FNBP1: variants seen among roughly 807,000 people sequenced by gnomAD.
FNBP1 encodes formin-binding protein 1.
FNBP1 carries 26 observed loss-of-function variants against 90.6 expected under a neutral mutation model. The ratio of observed to expected loss-of-function variants is 0.29; its 90% CI spans 0.21 to 0.40. FNBP1 has a LOEUF of 0.40. FNBP1 is among the 10% of genes least tolerant of loss of function. FNBP1 has a pLI of 1.00. For synonymous variants in FNBP1, 260 were observed against 265.2 expected (o/e 0.98, Z 0.19); for missense variants, 635 against 768.0 (o/e 0.83, Z 2.05).
rs56397008 is a variant in FNBP1, at chr9:129,893,637, A to AAAAAAAAAAAG, written c.1846+2200_1846+2201insCTTTTTTTTTT. 8.8e-4 allele frequency among the ~76,000 whole-genome samples: 55 copies of AAAAAAAAAAAG among 62,230 alleles called. 12 individuals are homozygous for AAAAAAAAAAAG. Among genetic ancestry groups the AAAAAAAAAAAG allele is most frequent in the African/African-American group, 2.0e-3 (22 of 11,020 alleles). The allele number at this position is 62,230 out of a possible 152,430, so 40.8% of individuals were successfully genotyped here. ...CAAAAAAAAAAAAAAAAAAAAAAAAAGCCAGGCACGGGCTCATGCCTGTAA... is the reference window on the plus strand; with the variant it reads ...CAAAAAAAAAAAAAAAAAAAAAAAAAAAAAAAAAAAGGCCAGGCACGGGCTCATGCCTGTAA... On this transcript the variant is annotated intron_variant, in intron 16 of 16. Coordinates refer to ENST00000446176, the MANE Select transcript of FNBP1 (RefSeq NM_015033.3).
chr9:130,040,927 A>C (rs1923662), intron 1 of FNBP1, among the ~76,000 whole-genome samples: 135,225 of 151,760 alleles, frequency 0.89, 61,041 homozygotes, highest in East Asian at 0.97. Context: ...TGAAGCAAAT[A>C]TAAGATTTCA....
In FNBP1 at chr9:129,992,254, T is replaced by C. The variant is rs75085509; in HGVS notation, c.140+2589A>G. ...AGCTCGCACGTAGCCCATTTTCACA[T>C]GAAAGACAACATTGCATGACTAATA... On this transcript the variant is annotated intron_variant, in intron 2 of 16. Transcript: ENST00000446176. Among the ~76,000 whole-genome samples, 57 of 152,264 alleles carry C rather than the reference T, an allele frequency of 3.7e-4. No individual in the cohort carries two copies. In the East Asian group the frequency reaches 5.0e-3, roughly 13 times the overall value.
rs2036826626 is a variant in FNBP1 at position 129,900,999 on chromosome 9, A to AT, written c.1429-453dup. 6.6e-6 allele frequency among the ~76,000 whole-genome samples: 1 copy of AT among 152,106 alleles called. No homozygotes were observed. The highest frequency in any genetic ancestry group is 2.4e-5 in the African/African-American group (1 of 41,406). On this transcript the variant is annotated intron_variant, in intron 13 of 16. Transcript: ENST00000446176. This position sits in a 1 kb window ranked among gnomAD's most constrained non-coding sequence, Gnocchi z 4.1. ...ACTCAGTTTGAAAGCCACACTTCCT[A>AT]TTTTTTAGGAGTGTAACTTTTTTTT...
At chr9:129,990,765 G>C (rs2053007338) in intron 2 of FNBP1, among the ~76,000 whole-genome samples, 1 of 152,074 alleles carries the variant, frequency 6.6e-6, no homozygotes, top group Non-Finnish European at 1.5e-5. Context: ...AAAAGATCAT[G>C]GACCACGTAG....
chr9:129,936,172 A>G (rs2043429535), intron 6 of FNBP1, among the ~76,000 whole-genome samples: 1 of 152,220 alleles, frequency 6.6e-6, no homozygotes, highest in Non-Finnish European at 1.5e-5. Flanking sequence ...AATATTTTAC[A>G]GTATCGCTGG....
At chr9:130,014,450 C>T (rs2057011113) in intron 1 of FNBP1, among the ~76,000 whole-genome samples, 2 of 151,834 alleles carry the variant, frequency 1.3e-5, no homozygotes, top group South Asian at 4.1e-4. Context: ...TGGGGTTTTG[C>T]CATATTGGCC....
In FNBP1 at chr9:129,888,698, G is replaced by A. The variant is rs553870804; in HGVS notation, c.*1841C>T. On this transcript the variant is annotated 3_prime_UTR_variant, in exon 17 of 17. Transcript: ENST00000446176. ...CCTCTTCACCTGCCTGGGCCTCAGC[G>A]TCTCTGCGCTTGTGGTTTCTCGTCC... 10 of 233,282 alleles carry A rather than the reference G, an allele frequency of 4.3e-5. No individual in the cohort carries two copies. The highest frequency in any genetic ancestry group is 1.1e-4 in the Admixed American group (2 of 17,786). The allele number at this position is 233,282 out of a possible 1,614,324, so 14.5% of individuals were successfully genotyped here. A position where few individuals can be genotyped will look rare whatever the true frequency, so the allele number is the denominator to read the frequency against.
intron 1 of FNBP1, among the ~76,000 whole-genome samples, chr9:130,024,510 C>G (rs543897649): frequency 2.0e-5 from 3 of 152,270 alleles, no homozygotes; most frequent in Admixed American, 2.0e-4. Context: ...ACTCATGCAA[C>G]TAACATTTTA....
chr9:129,895,209 A>C, intron 16 of FNBP1: 1 of 990,408 alleles, frequency 1.0e-6, no homozygotes, highest in Non-Finnish European at 1.2e-6. Context: ...GGAACAGGGT[A>C]CTCGTGATGC....
chr9:130,040,141 C>G (rs2059692386), intron 1 of FNBP1, among the ~76,000 whole-genome samples: 3 of 152,210 alleles, frequency 2.0e-5, no homozygotes, highest in Admixed American at 6.5e-5. Context: ...CTGGGGTTTA[C>G]TTTTCATAAT....
chr9:129,924,078 C>A (rs933526345), intron 9 of FNBP1, 52 bp from the exon 10 acceptor site: 5 of 1,467,936 alleles, frequency 3.4e-6, no homozygotes, highest in Non-Finnish European at 4.5e-6. Context: ...AACAAGAAGA[C>A]ACAAAACAAA....
intron 4 of FNBP1, among the ~76,000 whole-genome samples, chr9:129,974,455 C>T (rs946072691): frequency 1.1e-4 from 16 of 152,228 alleles, no homozygotes; most frequent in Admixed American, 5.9e-4. Context: ...TGAGCCACCA[C>T]GCCAGGCCTC....
At chr9:130,003,038 C>T (rs1284298949) in intron 1 of FNBP1, among the ~76,000 whole-genome samples, 2 of 152,036 alleles carry the variant, frequency 1.3e-5, no homozygotes, top group African/African-American at 2.4e-5. Flanking sequence ...CAATTATTTT[C>T]AGGTCTGGTT....
At chr9:130,003,379 G>A (rs1051943403) in intron 1 of FNBP1, among the ~76,000 whole-genome samples, 17 of 152,044 alleles carry the variant, frequency 1.1e-4, no homozygotes, top group African/African-American at 4.1e-4. Context: ...TGAAGCCAGC[G>A]GATCACTTTA....
intron 1 of FNBP1, among the ~76,000 whole-genome samples, chr9:130,019,910 T>C (rs2057650755): frequency 6.6e-6 from 1 of 151,964 alleles, no homozygotes; most frequent in Non-Finnish European, 1.5e-5. Flanking sequence ...CAGGACCTCA[T>C]TAGATTAAAA....
At chr9:130,016,875 G>A (rs1036729788) in intron 1 of FNBP1, among the ~76,000 whole-genome samples, 1 of 152,204 alleles carries the variant, frequency 6.6e-6, no homozygotes, top group African/African-American at 2.4e-5. Context: ...TGGGTTTCAG[G>A]AATGTGCCAG....
At position 129,963,616 on chromosome 9, in the gene FNBP1, CTT is replaced by C. The variant is rs35213636; in HGVS notation, c.346-5065_346-5064del. Among the ~76,000 whole-genome samples, 801 of 115,288 alleles carry C rather than the reference CTT, an allele frequency of 6.9e-3. 3 individuals are homozygous for C. The highest frequency in any genetic ancestry group is 0.017 in the Middle Eastern group (4 of 230). The allele number at this position is 115,288 out of a possible 152,430, so 75.6% of individuals were successfully genotyped here. A position where few individuals can be genotyped will look rare whatever the true frequency, so the allele number is the denominator to read the frequency against. Reference sequence around the variant, plus strand: ...GATGCCCATCTTCCTTCCTTCCAGCCTTTTTTTTTTTTTTTTTTAAAAAAACA... The same window carrying C: ...GATGCCCATCTTCCTTCCTTCCAGCCTTTTTTTTTTTTTTTTAAAAAAACA... On this transcript the variant is annotated intron_variant, in intron 4 of 16. Coordinates refer to ENST00000446176, the MANE Select transcript of FNBP1 (RefSeq NM_015033.3).
At chr9:129,916,435 C>T (rs1316769569) in intron 10 of FNBP1, among the ~76,000 whole-genome samples, 1 of 151,990 alleles carries the variant, frequency 6.6e-6, no homozygotes, top group South Asian at 2.1e-4. Context: ...CTGACCAACA[C>T]GGAGAAACCC....
chr9:129,946,535 G>T (rs1017442071), intron 6 of FNBP1, among the ~76,000 whole-genome samples: 1 of 152,156 alleles, frequency 6.6e-6, no homozygotes, highest in Non-Finnish European at 1.5e-5. Context: ...AGAATTAATT[G>T]CAATGAATTA....
Sources: gnomAD v4.1 joint callset for allele counts (sites outside exome capture counted in the v4.1 genomes callset) on GRCh38, gnomAD v4.1.1 for gene constraint, Gnocchi (gnomAD v3.1) non-coding constraint, MANE v1.5 for transcripts, NCBI Gene and HGNC (gene_info 2026-07-23, HGNC 2026-07-21) for gene names.